The following CSMD1 variants were observed in gnomAD, a reference collection of about 807,000 sequenced individuals.
CSMD1 encodes the protein CUB and sushi domain-containing protein 1.
Under a neutral mutation model 417.5 loss-of-function variants are expected in CSMD1, and 213 were observed. That is an observed-to-expected ratio of 0.51 (90% CI 0.46 to 0.57). The LOEUF (loss-of-function observed/expected upper bound fraction) is 0.57, where lower values mean the gene tolerates loss of function less well. Ranked by LOEUF, CSMD1 falls within the 20% of genes least tolerant of loss-of-function variation. CSMD1 has a pLI of 0.00. For missense variants in CSMD1, 6,923 were observed against 4,529.7 expected (o/e 1.53, Z -15.17); for synonymous variants, 2,862 against 1,736.8 (o/e 1.65, Z -16.11).
intron 1 of CSMD1, among the ~76,000 whole-genome samples, chr8:4,933,808 G>C (rs753259522): frequency 7.2e-5 from 11 of 152,074 alleles, no homozygotes; most frequent in Non-Finnish European, 1.3e-4. Context: ...ACCTAGATGT[G>C]AGCCCGATAC....
At chr8:3,850,499 G>C (rs571994905) in intron 5 of CSMD1, among the ~76,000 whole-genome samples, 4 of 152,038 alleles carry the variant, frequency 2.6e-5, no homozygotes, top group African/African-American at 2.4e-5. Flanking sequence ...GTTCAAGACC[G>C]GCTTGGCCAA....
At chr8:3,311,606 A>G (rs187553745) in intron 23 of CSMD1, among the ~76,000 whole-genome samples, 56 of 152,362 alleles carry the variant, frequency 3.7e-4, no homozygotes, top group Admixed American at 1.2e-3. Context: ...CTAGTATTGA[A>G]TACTGTACAG....
intron 5 of CSMD1, among the ~76,000 whole-genome samples, chr8:3,831,302 G>A (rs769133482): frequency 6.0e-4 from 91 of 152,080 alleles, no homozygotes; most frequent in African/African-American, 1.7e-3. Flanking sequence ...GGGGAGCTGT[G>A]GCATGTTGCA....
chr8:3,794,674 C>G (rs1036892484), intron 5 of CSMD1, among the ~76,000 whole-genome samples: 20 of 151,642 alleles, frequency 1.3e-4, no homozygotes, highest in Middle Eastern at 6.8e-3. Context: ...GGTATTTATC[C>G]TACTGGAAAA....
At chr8:3,696,613 G>A (rs894828676) in intron 7 of CSMD1, among the ~76,000 whole-genome samples, 1 of 152,084 alleles carries the variant, frequency 6.6e-6, no homozygotes, top group African/African-American at 2.4e-5. Context: ...TGAGCGCTTT[G>A]GAAGATTGAA....
At chr8:4,160,128 T>C (rs1382105168) in intron 3 of CSMD1, among the ~76,000 whole-genome samples, 3 of 151,836 alleles carry the variant, frequency 2.0e-5, no homozygotes, top group Admixed American at 6.6e-5. Flanking sequence ...AAAAATAACG[T>C]CTTAATTCCA....
At chr8:3,635,888 T>G (rs1473453138) in intron 7 of CSMD1, among the ~76,000 whole-genome samples, 2 of 151,970 alleles carry the variant, frequency 1.3e-5, no homozygotes, top group Non-Finnish European at 2.9e-5. Flanking sequence ...CAAAATATTT[T>G]CTTCAGTAAT....
At chr8:3,914,625 T>A (rs1808689698) in intron 5 of CSMD1, among the ~76,000 whole-genome samples, 2 of 152,116 alleles carry the variant, frequency 1.3e-5, no homozygotes, top group Admixed American at 6.6e-5. Context: ...TAAATGAAAC[T>A]CTTTCTGTCT....
At chr8:4,885,689 A>T (rs1271241540) in intron 1 of CSMD1, among the ~76,000 whole-genome samples, 1 of 151,460 alleles carries the variant, frequency 6.6e-6, no homozygotes, top group East Asian at 1.9e-4. Context: ...AACTATTTTT[A>T]ATATTAGAGA....
chr8:3,538,605 C>T (rs1312229891), intron 10 of CSMD1, among the ~76,000 whole-genome samples: 4 of 152,232 alleles, frequency 2.6e-5, no homozygotes, highest in Non-Finnish European at 5.9e-5. Context: ...CAAAAGTGAG[C>T]CCCATTCCCC....
At chr8:4,510,766 C>A (rs2130342289) in intron 2 of CSMD1, among the ~76,000 whole-genome samples, 1 of 144,262 alleles carries the variant, frequency 6.9e-6, no homozygotes, top group East Asian at 2.1e-4. Flanking sequence ...CTTCCCTCCT[C>A]TCTTCCTTCC....
chr8:4,550,762 C>A (rs1471552538), intron 2 of CSMD1, among the ~76,000 whole-genome samples: 1 of 152,146 alleles, frequency 6.6e-6, no homozygotes, highest in Non-Finnish European at 1.5e-5. Flanking sequence ...TTCTTCTGAG[C>A]CCGGAGGCAG....
At chr8:3,173,917 T>A (rs1222799653) in intron 37 of CSMD1, among the ~76,000 whole-genome samples, 1 of 152,222 alleles carries the variant, frequency 6.6e-6, no homozygotes, top group East Asian at 1.9e-4. Flanking sequence ...TATGGCAACG[T>A]CCTGCCAAAA....
At chr8:3,611,874 G>C (rs1801910779) in intron 8 of CSMD1, among the ~76,000 whole-genome samples, 1 of 151,932 alleles carries the variant, frequency 6.6e-6, no homozygotes, top group African/African-American at 2.4e-5. Context: ...AATAAATTTT[G>C]ATGTAAGAAA....
rs760336800 is a variant in CSMD1, at chr8:4,994,352, C to T, written c.65G>A (p.Arg22Lys). The T allele has an allele frequency of 9.3e-6, 15 of 1,611,480 alleles. No homozygotes were observed. The South Asian group carries it at 1.6e-4, about 18-fold the overall frequency. ...LLLGLLVLCA[R>K]LLTAAKGQNC... ...CTTACCCTTCGCTGCAGTGAGGAGC[C>T]TCGCGCACAGCACCAGCAGCCCGAG... Residue 22 changes from arginine (R) to lysine (K), a missense_variant, in exon 1 of 70, where the codon AGG (arginine) becomes AAG (lysine). Coordinates refer to ENST00000635120, the MANE Select transcript of CSMD1 (RefSeq NM_033225.6).
At chr8:4,907,184 A>AT (rs1243164398) in intron 1 of CSMD1, among the ~76,000 whole-genome samples, 2 of 152,160 alleles carry the variant, frequency 1.3e-5, no homozygotes, top group Non-Finnish European at 2.9e-5. Context: ...CTGTCCTTCT[A>AT]TTTTTTCCAC....
At chr8:3,817,653 A>C (rs1240760972) in intron 5 of CSMD1, among the ~76,000 whole-genome samples, 1 of 152,112 alleles carries the variant, frequency 6.6e-6, no homozygotes, top group Non-Finnish European at 1.5e-5. Flanking sequence ...CTCCCATGTT[A>C]AAAACTTAAA....
intron 1 of CSMD1, among the ~76,000 whole-genome samples, chr8:4,867,389 A>C (rs1312987626): frequency 6.6e-6 from 1 of 152,096 alleles, no homozygotes; most frequent in African/African-American, 2.4e-5. Flanking sequence ...AATTATTTGA[A>C]AGGTATTACT....
chr8:3,870,256 A>T (rs1805389929), intron 5 of CSMD1, among the ~76,000 whole-genome samples: 1 of 152,216 alleles, frequency 6.6e-6, no homozygotes, highest in Non-Finnish European at 1.5e-5. Flanking sequence ...AATTAAGATT[A>T]TTCAACTGTG....
Sources: allele counts gnomAD v4.1 joint callset (sites outside exome capture counted in the v4.1 genomes callset), GRCh38; gene constraint gnomAD v4.1.1; transcripts MANE v1.5; gene names NCBI Gene and HGNC (gene_info 2026-07-23, HGNC 2026-07-21).